SHISA9: variants seen among roughly 807,000 people sequenced by gnomAD.
SHISA9 encodes protein shisa-9.
In SHISA9, 13 loss-of-function variants were observed where a neutral mutation model predicts 38.0. That is an observed-to-expected ratio of 0.34 (90% confidence interval 0.22 to 0.54). The LOEUF (loss-of-function observed/expected upper bound fraction) is 0.54. SHISA9 is among the 20% of genes least tolerant of loss of function. The pLI, the probability that SHISA9 is intolerant of heterozygous loss-of-function variation, is 0.91. For missense variants in SHISA9, 538 were observed against 575.8 expected (o/e 0.93, Z 0.67); for synonymous variants, 275 against 242.0 (o/e 1.14, Z -1.27).
At chr16:13,184,755 T>C (rs1423388839) in intron 2 of SHISA9, among the ~76,000 whole-genome samples, 2 of 152,250 alleles carry the variant, frequency 1.3e-5, no homozygotes, top group Non-Finnish European at 2.9e-5. Context: ...GCATGATGCA[T>C]GTATTAATAA....
At chr16:13,129,081 G>A (rs1055279888) in intron 2 of SHISA9, among the ~76,000 whole-genome samples, 2 of 152,088 alleles carry the variant, frequency 1.3e-5, no homozygotes, top group African/African-American at 4.8e-5. Flanking sequence ...TGTTATCTGA[G>A]CATCTTCTTT....
the SHISA9 span, among the ~76,000 whole-genome samples, chr16:13,274,936 G>A: frequency 1.3e-5 from 2 of 152,250 alleles, no homozygotes; most frequent in Admixed American, 6.5e-5. Context: ...GGCCCAGAGC[G>A]CTAATGATTG....
chr16:13,429,369 C>G, the SHISA9 span, among the ~76,000 whole-genome samples: 6 of 152,174 alleles, frequency 3.9e-5, no homozygotes, highest in African/African-American at 1.4e-4. Flanking sequence ...AAAATGTATT[C>G]CATGCCTCTC....
chr16:13,396,439 G>A, the SHISA9 span, among the ~76,000 whole-genome samples: 3 of 152,168 alleles, frequency 2.0e-5, no homozygotes, highest in Admixed American at 2.0e-4. Flanking sequence ...CTCAGGAGGT[G>A]GAGGTTGCAG....
the SHISA9 span, among the ~76,000 whole-genome samples, chr16:13,531,338 C>T: frequency 6.6e-6 from 1 of 152,156 alleles, no homozygotes; most frequent in Non-Finnish European, 1.5e-5. Context: ...CAACAGCAGC[C>T]ACAATAAAAG....
At chr16:13,291,713 CA>C in the SHISA9 span, among the ~76,000 whole-genome samples, 1 of 151,826 alleles carries the variant, frequency 6.6e-6, no homozygotes, top group Non-Finnish European at 1.5e-5. Flanking sequence ...TATGTAACAT[CA>C]AAAGAAAAAG....
At chr16:13,199,037 T>C (rs1371783386) in intron 2 of SHISA9, among the ~76,000 whole-genome samples, 1 of 152,246 alleles carries the variant, frequency 6.6e-6, no homozygotes, top group East Asian at 1.9e-4. Flanking sequence ...TATAAAAGTG[T>C]GTCCCAACAT....
the SHISA9 span, among the ~76,000 whole-genome samples, chr16:13,494,951 C>T: frequency 5.3e-5 from 8 of 152,182 alleles, no homozygotes; most frequent in African/African-American, 1.2e-4. Context: ...CAGGACGTTG[C>T]GCCTTGCAAA....
chr16:12,930,574 C>T (rs1488431849), intron 2 of SHISA9, among the ~76,000 whole-genome samples: 2 of 152,150 alleles, frequency 1.3e-5, no homozygotes. Flanking sequence ...TCCATGCTGA[C>T]CCTCAATTTC....
At chr16:13,153,177 G>A (rs1411828564) in intron 2 of SHISA9, among the ~76,000 whole-genome samples, 1 of 152,010 alleles carries the variant, frequency 6.6e-6, no homozygotes, top group East Asian at 1.9e-4. Flanking sequence ...CTGACCTCCA[G>A]ACATGTAAGA....
At chr16:13,504,304 C>T in the SHISA9 span, among the ~76,000 whole-genome samples, 2 of 152,168 alleles carry the variant, frequency 1.3e-5, no homozygotes, top group East Asian at 1.9e-4. Flanking sequence ...AGAAAGTATA[C>T]ACCATTTATG....
chr16:12,924,287 C>T (rs1465810564), intron 2 of SHISA9, among the ~76,000 whole-genome samples: 5 of 152,160 alleles, frequency 3.3e-5, no homozygotes, highest in African/African-American at 1.2e-4. Flanking sequence ...TTGCTTTATT[C>T]ATCCCTGTAT....
At chr16:13,453,135 G>A in the SHISA9 span, among the ~76,000 whole-genome samples, 2 of 152,026 alleles carry the variant, frequency 1.3e-5, no homozygotes, top group East Asian at 1.9e-4. Flanking sequence ...TGATCTGCCT[G>A]CCTCAGCCTC....
At chr16:13,133,345 A>T (rs942717599) in intron 2 of SHISA9, among the ~76,000 whole-genome samples, 1 of 152,186 alleles carries the variant, frequency 6.6e-6, no homozygotes, top group Non-Finnish European at 1.5e-5. Flanking sequence ...GCTCACAAGG[A>T]ATGTCCATAA....
chr16:13,097,171 C>G (rs1409969657), intron 2 of SHISA9, among the ~76,000 whole-genome samples: 1 of 152,144 alleles, frequency 6.6e-6, no homozygotes, highest in African/African-American at 2.4e-5. Context: ...TACAGAACCC[C>G]ACAATGGTCC....
chr16:13,041,646 C>T (rs2073133184), intron 2 of SHISA9, among the ~76,000 whole-genome samples: 1 of 152,168 alleles, frequency 6.6e-6, no homozygotes, highest in Admixed American at 6.5e-5. Context: ...GTTTCAAAAC[C>T]ACTAATCTGA....
intron 2 of SHISA9, among the ~76,000 whole-genome samples, chr16:12,923,620 G>C (rs2071356661): frequency 6.6e-6 from 1 of 152,088 alleles, no homozygotes; most frequent in Non-Finnish European, 1.5e-5. Context: ...ATACATGGGA[G>C]TTCATTATTC....
chr16:13,198,826 A>T (rs1179207954), intron 2 of SHISA9, among the ~76,000 whole-genome samples: 1 of 152,174 alleles, frequency 6.6e-6, no homozygotes, highest in Non-Finnish European at 1.5e-5. Context: ...AATTTGCTTT[A>T]TGTGGTTCTT....
intron 2 of SHISA9, among the ~76,000 whole-genome samples, chr16:12,947,738 G>A (rs970976288): frequency 1.3e-5 from 2 of 152,278 alleles, no homozygotes; most frequent in East Asian, 1.9e-4. Flanking sequence ...TCACACGAAG[G>A]AAAGAACTCC....
Sources: allele counts gnomAD v4.1 joint callset (sites outside exome capture counted in the v4.1 genomes callset), GRCh38; gene constraint gnomAD v4.1.1; transcripts MANE v1.5; gene names NCBI Gene and HGNC (gene_info 2026-07-23, HGNC 2026-07-21).